Variants in UFD1 observed in about 807,000 individuals in gnomAD.
The protein encoded by UFD1 is ubiquitin recognition factor in ER associated degradation 1, also known as ubiquitin recognition factor in ER-associated degradation protein 1.
A neutral mutation model predicts 45.9 loss-of-function variants in UFD1; 13 were observed. The ratio of observed to expected loss-of-function variants is 0.28; its 90% confidence interval spans 0.18 to 0.45. The LOEUF is 0.45. UFD1 is among the 20% of genes least tolerant of loss of function. The pLI, the probability that UFD1 is intolerant of heterozygous loss-of-function variation, is 1.00. For synonymous variants in UFD1, 128 were observed against 139.2 expected, an observed-to-expected ratio of 0.92 and a Z score of 0.56; for missense variants, 218 against 389.2, an observed-to-expected ratio of 0.56 and a Z score of 3.70.
intron 9 of UFD1, among the ~76,000 whole-genome samples, chr22:19,456,245 G>T (rs1022178173): frequency 2.6e-5 from 4 of 152,034 alleles, no homozygotes; most frequent in Admixed American, 6.5e-5. Flanking sequence ...TACAGGCAAA[G>T]AAAAAAGGAA....
intron 11 of UFD1, chr22:19,450,947 G>T: frequency 7.9e-7 from 1 of 1,268,346 alleles, no homozygotes; most frequent in Non-Finnish European, 1.0e-6. Context: ...ACCAGCCTGG[G>T]CAACATAGTG....
chr22:19,454,463 G>T, intron 11 of UFD1: 1 of 727,268 alleles, frequency 1.4e-6, no homozygotes, highest in Non-Finnish European at 1.9e-6. Flanking sequence ...AGATCTGATG[G>T]TTTTATAAGT....
Position 19,454,840 on chromosome 22 carries a change from G to A in UFD1, c.768-10C>T. The stretch of plus-strand genomic sequence containing the variant: ...ATAATTGGGAATTCCTCTGTAAGAA[G>A]AGACAGAGACAGAGAAATGTTATTT... On this transcript the variant is annotated splice_polypyrimidine_tract_variant and intron_variant, in intron 10 of 11. Coordinates refer to ENST00000263202, the MANE Select transcript of UFD1 (RefSeq NM_005659.7). 1.2e-6 allele frequency: 2 copies of A among 1,606,918 alleles called. No homozygotes were observed. Among genetic ancestry groups the A allele is most frequent in the South Asian group, 2.2e-5 (2 of 89,596 alleles).
chr22:19,468,468 G>A (rs1335852610), intron 4 of UFD1, among the ~76,000 whole-genome samples: 2 of 152,146 alleles, frequency 1.3e-5, no homozygotes, highest in African/African-American at 2.4e-5. Context: ...GACCCCAGAG[G>A]TCTCTGCTAA....
Position 19,471,732 on chromosome 22 carries a change from C to T in UFD1, c.246G>A (p.Val82=). 1 of 1,613,972 alleles carries T rather than the reference C, an allele frequency of 6.2e-7. No individual in the cohort carries two copies. The highest frequency in any genetic ancestry group is 8.5e-7 in the Non-Finnish European group (1 of 1,180,038). ...TGCCCTCATCAGCCACAAACTCCAG[C>T]ACGCCACAATGCGTCATGCGGTCCG... is the stretch of plus-strand genomic sequence containing the variant. The part of the protein sequence containing the change: ...KNSDRMTHCG[V]LEFVADEGIC... The change falls in exon 4 of 12, where the codon GTG becomes GTA. Residue 82 remains valine (V), a synonymous_variant. Transcript: ENST00000263202.
At chr22:19,478,860 G>C in intron 1 of UFD1, 1 of 571,238 alleles carries the variant, frequency 1.8e-6, no homozygotes, top group South Asian at 2.4e-5. Context: ...AAGTCCGGCT[G>C]AGACAGAATG....
rs117915556 is a variant in UFD1, at chr22:19,472,178, G to A, written c.170-370C>T. 3.4e-4 allele frequency among the ~76,000 whole-genome samples: 52 copies of A among 152,352 alleles called. No individual in the cohort carries two copies. The East Asian group carries it at 9.1e-3, about 27-fold the overall frequency. ...ACCACAACCAGATGCTGCAGGTGCT[G>A]TGGGAAGAGCTGGCAGGAGGGGGCA... On this transcript the variant is annotated intron_variant, in intron 3 of 11. Transcript: ENST00000263202.
rs2089698819 is a variant in UFD1 at position 19,453,497 on chromosome 22, A to G, written c.849+1252T>C. ...TGTAAATTTGCAACAGTCAGGTCAC[A>G]GTCAGCCTGGGGGACGTCCCATGCT... On this transcript the variant is annotated intron_variant, in intron 11 of 11. Coordinates refer to ENST00000263202, the MANE Select transcript of UFD1 (RefSeq NM_005659.7). 3 of 985,466 alleles carry G rather than the reference A, an allele frequency of 3.0e-6. No homozygotes were observed. In the African/African-American group the frequency reaches 5.2e-5, roughly 17 times the overall value. The allele number at this position is 985,466 out of a possible 1,614,324, so 61.0% of individuals were successfully genotyped here. A position where few individuals can be genotyped will look rare whatever the true frequency, so the allele number is the denominator to read the frequency against.
chr22:19,466,901 C>G (rs2089806564), intron 5 of UFD1: 1 of 152,230 alleles, frequency 6.6e-6, no homozygotes, highest in Non-Finnish European at 1.5e-5. Flanking sequence ...TGGTCACTGA[C>G]AGCCAAACAA....
At chr22:19,478,966 C>G (rs2089920434) in intron 1 of UFD1, 117 bp downstream of exon 1, 2 of 1,407,424 alleles carry the variant, frequency 1.4e-6, no homozygotes, top group African/African-American at 3.0e-5. Context: ...GCAGGCCGGA[C>G]TCAGGCCCGG....
Position 19,479,102 on chromosome 22 carries a change from CA to C in UFD1, c.-18del. ...GCTTACCATGATGGACACCACCTGG[CA>C]GACTCCGCTCCTCTCAGGCAATGCA... On this transcript the variant is annotated 5_prime_UTR_variant, in exon 1 of 12. Transcript: ENST00000263202. 1 of 1,611,256 alleles carries C rather than the reference CA, an allele frequency of 6.2e-7. No individual in the cohort carries two copies. The highest frequency in any genetic ancestry group is 1.1e-5 in the South Asian group (1 of 90,860).
chr22:19,453,987 C>CAT, intron 11 of UFD1: 7 of 985,682 alleles, frequency 7.1e-6, no homozygotes, highest in Non-Finnish European at 7.2e-6. Flanking sequence ...CAGGCCTGGC[C>CAT]ATATTCCCAC....
intron 10 of UFD1, among the ~76,000 whole-genome samples, chr22:19,455,059 G>A (rs2089712543): frequency 6.6e-6 from 1 of 151,812 alleles, no homozygotes; most frequent in Non-Finnish European, 1.5e-5. Flanking sequence ...TGTCTATGGA[G>A]AGGGGTCATC....
chr22:19,464,849 C>G (rs9606025), intron 6 of UFD1, among the ~76,000 whole-genome samples: 56,107 of 152,148 alleles, frequency 0.37, 12,695 homozygotes, highest in Non-Finnish European at 0.5. Flanking sequence ...AAGGACCCAG[C>G]AGGGTTGTTA....
chr22:19,468,626 CTA>C (rs1406231326), intron 4 of UFD1, among the ~76,000 whole-genome samples: 1 of 152,166 alleles, frequency 6.6e-6, no homozygotes, highest in African/African-American at 2.4e-5. Flanking sequence ...GTCAGAAGCT[CTA>C]TGTCTCTTGC....
At chr22:19,451,332 A>G in intron 11 of UFD1, 1 of 985,502 alleles carries the variant, frequency 1.0e-6, no homozygotes, top group Non-Finnish European at 1.2e-6. Flanking sequence ...ACCAGTGGAC[A>G]TTGTTGTGGT....
intron 4 of UFD1, chr22:19,471,352 C>T (rs1382700937): frequency 3.4e-6 from 2 of 581,342 alleles, no homozygotes; most frequent in Admixed American, 1.9e-5. Flanking sequence ...ACCTCAAACA[C>T]CCTACTTACT....
At chr22:19,453,449 G>A in intron 11 of UFD1, 2 of 985,468 alleles carry the variant, frequency 2.0e-6, no homozygotes, top group Non-Finnish European at 2.4e-6. Flanking sequence ...GGCCTGCTGT[G>A]CCCACTGGCC....
At position 19,475,114 on chromosome 22, in the gene UFD1, A is replaced by G; in HGVS notation, c.137-14T>C. On this transcript the variant is annotated splice_polypyrimidine_tract_variant and intron_variant, in intron 2 of 11. Transcript: ENST00000263202. ...GTGGCATAATTACTGTGGAAAGAAC[A>G]TTTAAGAAATATTAAAAAATAAAAA... 6.2e-7 allele frequency: 1 copy of G among 1,604,136 alleles called. No individual in the cohort carries two copies. Among genetic ancestry groups the G allele is most frequent in the Non-Finnish European group, 8.5e-7 (1 of 1,176,866 alleles).
Sources: allele counts gnomAD v4.1 joint callset (sites outside exome capture counted in the v4.1 genomes callset), GRCh38; gene constraint gnomAD v4.1.1; transcripts MANE v1.5; gene names NCBI Gene and HGNC (gene_info 2026-07-23, HGNC 2026-07-21).